The following ACTR3C variants were observed in gnomAD, a reference collection of about 807,000 sequenced individuals.
ACTR3C encodes the protein actin-related protein 3C.
Under a neutral mutation model 26.3 loss-of-function variants are expected in ACTR3C, and 18 were observed. That is an observed-to-expected ratio of 0.68 (90% CI 0.47 to 1.01). The LOEUF (loss-of-function observed/expected upper bound fraction) is 1.01. Ranked by LOEUF, ACTR3C falls within the 50% of genes least tolerant of loss-of-function variation. ACTR3C has a pLI of 0.00. For missense variants in ACTR3C, 184 were observed against 250.7 expected, an observed-to-expected ratio of 0.73 and a Z score of 1.80; for synonymous variants, 55 against 94.5, an observed-to-expected ratio of 0.58 and a Z score of 2.42.
chr7:150,318,756 GCAA>G (rs1176899705), intron 1 of ACTR3C, among the ~76,000 whole-genome samples: 2 of 152,056 alleles, frequency 1.3e-5, no homozygotes, highest in African/African-American at 4.8e-5. Flanking sequence ...AACAACAATG[GCAA>G]CAACAACAAC....
chr7:150,265,329 G>A (rs1423025801), intron 6 of ACTR3C, among the ~76,000 whole-genome samples: 2 of 151,064 alleles, frequency 1.3e-5, no homozygotes, highest in Non-Finnish European at 1.5e-5. Context: ...CCACTTTTAT[G>A]TAAAAGGCAA....
At chr7:150,303,246 C>T (rs1795566167) in intron 1 of ACTR3C, among the ~76,000 whole-genome samples, 1 of 152,158 alleles carries the variant, frequency 6.6e-6, no homozygotes, top group Non-Finnish European at 1.5e-5. Context: ...TTGCCTCCTG[C>T]CCTTAACACC....
intron 3 of ACTR3C, among the ~76,000 whole-genome samples, chr7:150,291,037 G>A (rs1048253829): frequency 1.3e-5 from 2 of 152,100 alleles, no homozygotes; most frequent in South Asian, 4.1e-4. Flanking sequence ...ATAACCTTAG[G>A]ATTGTATTAT....
At chr7:149,980,434 C>G in the ACTR3C span, among the ~76,000 whole-genome samples, 1,784 of 152,280 alleles carry the variant, frequency 0.012, 33 homozygotes, top group African/African-American at 0.04. Flanking sequence ...AAGGACAGAA[C>G]ATAAATGGTT....
chr7:150,112,176 C>T, the ACTR3C span, among the ~76,000 whole-genome samples: 3 of 151,308 alleles, frequency 2.0e-5, no homozygotes, highest in Admixed American at 1.3e-4. Context: ...TTCTCCGGGC[C>T]CCGCTCTGAG....
the ACTR3C span, among the ~76,000 whole-genome samples, chr7:150,039,635 C>A: frequency 5.8e-5 from 8 of 138,276 alleles, no homozygotes; most frequent in East Asian, 2.1e-4. Flanking sequence ...GGACAACTAA[C>A]ACCCACAGTC....
chr7:150,001,474 C>T, the ACTR3C span: 1 of 152,314 alleles, frequency 6.6e-6, no homozygotes, highest in African/African-American at 2.4e-5. Context: ...ATTTCTGCCA[C>T]GTGCTCAGAG....
chr7:149,919,982 T>G, the ACTR3C span, among the ~76,000 whole-genome samples: 1 of 135,706 alleles, frequency 7.4e-6, no homozygotes, highest in Non-Finnish European at 1.6e-5. Flanking sequence ...CAGGAAATTT[T>G]GCTATGGCAT....
chr7:150,252,612 AT>A lies in ACTR3C; in HGVS notation c.565-3559del, dbSNP rs1832932766. Among the ~76,000 whole-genome samples, 3 of 152,332 alleles carry A rather than the reference AT, an allele frequency of 2.0e-5. No homozygotes were observed. The South Asian group carries it at 6.2e-4, about 32-fold the overall frequency. Reference sequence around the variant, plus strand: ...AAACATTTTAGAGTAATATGATGCAATTTACAGCTAATGGGAAAAGACTGCT... The same window carrying A: ...AAACATTTTAGAGTAATATGATGCAATTACAGCTAATGGGAAAAGACTGCT... On this transcript the variant is annotated intron_variant, in intron 6 of 7. Coordinates refer to ENST00000683684, the MANE Select transcript of ACTR3C (RefSeq NM_001164458.2).
chr7:150,192,641 A>T, the ACTR3C span, among the ~76,000 whole-genome samples: 1 of 151,844 alleles, frequency 6.6e-6, no homozygotes, highest in Non-Finnish European at 1.5e-5. Flanking sequence ...TCCAAGTAAA[A>T]CCCTCTGTTC....
chr7:150,186,005 C>A, the ACTR3C span, among the ~76,000 whole-genome samples: 1 of 152,172 alleles, frequency 6.6e-6, no homozygotes, highest in African/African-American at 2.4e-5. Flanking sequence ...AAGCAAATTT[C>A]AGGGCTATTT....
the ACTR3C span, among the ~76,000 whole-genome samples, chr7:150,105,604 G>C: frequency 6.6e-6 from 1 of 152,052 alleles, no homozygotes; most frequent in Non-Finnish European, 1.5e-5. Context: ...CGGTCACTCT[G>C]AGATTTGTTG....
chr7:150,191,134 A>G, the ACTR3C span, among the ~76,000 whole-genome samples: 1 of 152,222 alleles, frequency 6.6e-6, no homozygotes, highest in Non-Finnish European at 1.5e-5. Context: ...GTTATAAAAT[A>G]CATCTTGAAA....
the ACTR3C span, among the ~76,000 whole-genome samples, chr7:149,955,235 G>A: frequency 2.0e-5 from 3 of 152,236 alleles, no homozygotes; most frequent in African/African-American, 7.2e-5. Flanking sequence ...TGCCCTTCAA[G>A]TTTAAAAAGG....
At chr7:150,102,406 A>G in the ACTR3C span, among the ~76,000 whole-genome samples, 1 of 152,046 alleles carries the variant, frequency 6.6e-6, no homozygotes, top group African/African-American at 2.4e-5. Context: ...CTTATTTTTC[A>G]GCTAGTTCTG....
intron 3 of ACTR3C, among the ~76,000 whole-genome samples, chr7:150,292,500 A>AT (rs571206179): frequency 0.12 from 16,266 of 138,142 alleles, 1,519 homozygotes; most frequent in African/African-American, 0.24. Flanking sequence ...TGGCTTTTAA[A>AT]TTTTTTTTTT....
chr7:150,151,198 C>T, the ACTR3C span, among the ~76,000 whole-genome samples: 5 of 132,504 alleles, frequency 3.8e-5, 1 homozygote, highest in Non-Finnish European at 8.2e-5. Context: ...GTTTCTATAA[C>T]ACACAATATT....
the ACTR3C span, among the ~76,000 whole-genome samples, chr7:149,902,030 G>A: frequency 6.7e-6 from 1 of 149,800 alleles, no homozygotes; most frequent in Non-Finnish European, 1.5e-5. Flanking sequence ...GAAAAGACAT[G>A]ACTACTTTCC....
At chr7:150,252,982 C>T (rs1194956017) in intron 6 of ACTR3C, among the ~76,000 whole-genome samples, 1 of 151,194 alleles carries the variant, frequency 6.6e-6, no homozygotes, top group Non-Finnish European at 1.5e-5. Context: ...AGCGGTAAGC[C>T]CTTCTTGACT....
Sources: gnomAD v4.1 joint callset for allele counts (sites outside exome capture counted in the v4.1 genomes callset) on GRCh38, gnomAD v4.1.1 for gene constraint, MANE v1.5 for transcripts, NCBI Gene and HGNC (gene_info 2026-07-23, HGNC 2026-07-21) for gene names.